Variants in C19orf53 observed in about 807,000 individuals in gnomAD.
C19orf53 encodes the protein chromosome 19 open reading frame 53, also known as leydig cell tumor 10 kDa protein homolog.
Under a neutral mutation model 6.5 loss-of-function variants are expected in C19orf53, and 9 were observed. The observed-to-expected ratio is 1.38, with a 90% CI of 0.83 to 2.40. The LOEUF (loss-of-function observed/expected upper bound fraction) is 2.40, where lower values mean the gene tolerates loss of function less well. C19orf53 is among the 30% of genes most tolerant of loss of function. The probability of loss-of-function intolerance (pLI) is 0.00; values close to 1 mark genes in which losing one functional copy is unlikely to be tolerated. For synonymous variants in C19orf53, 68 were observed against 52.5 expected (o/e 1.29, Z -1.27); for missense variants, 166 against 129.7 (o/e 1.28, Z -1.36).
chr19:13,777,149 A>T (rs4464195), intron 2 of C19orf53, among the ~76,000 whole-genome samples: 1 of 151,604 alleles, frequency 6.6e-6, no homozygotes. Flanking sequence ...ATTGGGTTTC[A>T]CCATGTTGGC....
chr19:13,774,852 G>A (rs757434782), intron 2 of C19orf53, 145 bp downstream of exon 2: 1 of 1,135,468 alleles, frequency 8.8e-7, no homozygotes, highest in East Asian at 2.5e-5. Context: ...CGAGGGGATA[G>A]AGCCAGGGGC....
rs1974395345 is a variant in C19orf53, at chr19:13,778,740, C to G, written c.*542C>G. Among the ~76,000 whole-genome samples, 1 of 152,216 alleles carries G rather than the reference C, an allele frequency of 6.6e-6. No individual in the cohort carries two copies. The highest frequency in any genetic ancestry group is 6.6e-5 in the Admixed American group (1 of 15,258). On this transcript the variant is annotated 3_prime_UTR_variant, in exon 3 of 3. Transcript: ENST00000588234. ...TAGGTCAGATGCCACCTCACAGGAC[C>G]AAGGTGCCGATTAAACCGGAATACA...
chr19:13,778,024 A>G, intron 2 of C19orf53, 28 bp from the exon 3 acceptor site: 3 of 1,589,064 alleles, frequency 1.9e-6, no homozygotes, highest in Non-Finnish European at 2.6e-6. Flanking sequence ...CCAGGTCACA[A>G]TCTGACTGCC....
chr19:13,775,306 G>C (rs1029430191), intron 2 of C19orf53, among the ~76,000 whole-genome samples: 1 of 152,096 alleles, frequency 6.6e-6, no homozygotes, highest in East Asian at 1.9e-4. Context: ...TTTTGAGTCA[G>C]GGTCTCACTG....
chr19:13,776,546 T>C (rs1048740786), intron 2 of C19orf53, among the ~76,000 whole-genome samples: 1 of 152,138 alleles, frequency 6.6e-6, no homozygotes, highest in Non-Finnish European at 1.5e-5. Flanking sequence ...CCCTGTAGAA[T>C]CTGCCCTCGT....
chr19:13,775,121 C>A (rs976550783), intron 2 of C19orf53, among the ~76,000 whole-genome samples: 1 of 152,100 alleles, frequency 6.6e-6, no homozygotes, highest in Non-Finnish European at 1.5e-5. Flanking sequence ...GAAGCAAGAC[C>A]TGCGGCCCAA....
Position 13,774,566 on chromosome 19 carries a change from G to C in C19orf53, c.89G>C (p.Arg30Thr). The C allele has an allele frequency of 6.2e-7, 1 of 1,614,096 alleles. No individual in the cohort carries two copies. The highest frequency in any genetic ancestry group is 8.5e-7 in the Non-Finnish European group (1 of 1,179,924). ...GCCTCTGAAAAGAATCGGGGCCCAA[G>C]AAAAGGCGGTAAGGAGCGGCCCGGG... ...AAASEKNRGP[R>T]KGGRVIAPKK... The change falls in exon 1 of 3, where the codon AGA becomes ACA. Residue 30 changes from arginine (R) to threonine (T), a missense_variant. Transcript: ENST00000588234.
At position 13,774,486 on chromosome 19, in the gene C19orf53, G is replaced by T; in HGVS notation, c.9G>T (p.Gln3His). The T allele has an allele frequency of 1.2e-6, 2 of 1,607,068 alleles. No homozygotes were observed. The highest frequency in any genetic ancestry group is 1.7e-6 in the Non-Finnish European group (2 of 1,177,018). MAQGQRKFQAHKP... is the reference protein window; with the variant it reads MAHGQRKFQAHKP... Reference sequence around the variant, plus strand: ...CCGCTGCGTGCCGGACCATGGCGCAGGGGCAGCGCAAGTTTCAGGCGCACA... The same window carrying T: ...CCGCTGCGTGCCGGACCATGGCGCATGGGCAGCGCAAGTTTCAGGCGCACA... Residue 3 changes from glutamine (Q) to histidine (H), a missense_variant, in exon 1 of 3, where the codon CAG (glutamine) becomes CAT (histidine). By Grantham distance (24) the Gln-to-His change is conservative. Coordinates refer to ENST00000588234, the MANE Select transcript of C19orf53 (RefSeq NM_014047.3).
chr19:13,778,216 C>G lies in C19orf53; in HGVS notation c.*18C>G. ...CTTCCTGAGGACGCTGGCCCCAGTG[C>G]AGGCCAACATCCCACCCCCTACCTC... On this transcript the variant is annotated 3_prime_UTR_variant, in exon 3 of 3. Transcript: ENST00000588234. The G allele has an allele frequency of 6.4e-7, 1 of 1,573,582 alleles. No individual in the cohort carries two copies.
rs758810981 is a variant in C19orf53, at chr19:13,778,224, C to T, written c.*26C>T. The T allele has an allele frequency of 1.3e-6, 2 of 1,555,468 alleles. No homozygotes were observed. The highest frequency in any genetic ancestry group is 2.4e-5 in the South Asian group (2 of 83,234). On this transcript the variant is annotated 3_prime_UTR_variant, in exon 3 of 3. Coordinates refer to ENST00000588234, the MANE Select transcript of C19orf53 (RefSeq NM_014047.3). ...GGACGCTGGCCCCAGTGCAGGCCAA[C>T]ATCCCACCCCCTACCTCCATATGGG...
intron 2 of C19orf53, among the ~76,000 whole-genome samples, chr19:13,776,929 C>T (rs545724104): frequency 2.6e-5 from 4 of 152,314 alleles, no homozygotes; most frequent in South Asian, 2.1e-4. Context: ...TGCTGGTGAT[C>T]GTGGTCATTG....
chr19:13,775,200 G>A (rs1974356109), intron 2 of C19orf53, among the ~76,000 whole-genome samples: 1 of 152,190 alleles, frequency 6.6e-6, no homozygotes, highest in South Asian at 2.1e-4. Flanking sequence ...AAGACAGCGA[G>A]GTGACATGGG....
At chr19:13,776,554 C>T (rs1237042624) in intron 2 of C19orf53, among the ~76,000 whole-genome samples, 3 of 152,138 alleles carry the variant, frequency 2.0e-5, no homozygotes, top group African/African-American at 4.8e-5. Flanking sequence ...AATCTGCCCT[C>T]GTCTCCTTCC....
Position 13,774,519 on chromosome 19 carries a change from A to G in C19orf53, c.42A>G (p.Ala14=), listed in dbSNP as rs776512395. Reference sequence around the variant, plus strand: ...GCAAGTTTCAGGCGCACAAACCCGCAAAGAGTAAGACGGCAGCGGCAGCCT... The same window carrying G: ...GCAAGTTTCAGGCGCACAAACCCGCGAAGAGTAAGACGGCAGCGGCAGCCT... ...GQRKFQAHKP[A]KSKTAAAASE... The change falls in exon 1 of 3, where the codon GCA becomes GCG. Residue 14 remains alanine, a synonymous_variant. Coordinates refer to ENST00000588234, the MANE Select transcript of C19orf53 (RefSeq NM_014047.3). 9.3e-6 allele frequency: 15 copies of G among 1,613,584 alleles called. No homozygotes were observed. The highest frequency in any genetic ancestry group is 6.7e-5 in the East Asian group (3 of 44,894).
chr19:13,778,298 C>T lies in C19orf53; in HGVS notation c.*100C>T. On this transcript the variant is annotated 3_prime_UTR_variant, in exon 3 of 3. Coordinates refer to ENST00000588234, the MANE Select transcript of C19orf53 (RefSeq NM_014047.3). ...TGCACTGTCAGGAAGAGGACCCTGT[C>T]CCCCAGCACTGGGCTTCACCTAGAA... 1 of 1,373,478 alleles carries T rather than the reference C, an allele frequency of 7.3e-7. No individual in the cohort carries two copies. The highest frequency in any genetic ancestry group is 1.7e-5 in the South Asian group (1 of 59,980). 85.1% of individuals were successfully genotyped at this position (1,373,478 alleles called of 1,614,324 possible). A position where few individuals can be genotyped will look rare whatever the true frequency, so the allele number is the denominator to read the frequency against.
intron 2 of C19orf53, among the ~76,000 whole-genome samples, chr19:13,776,696 A>G (rs1000765052): frequency 6.6e-5 from 10 of 152,022 alleles, no homozygotes; most frequent in Admixed American, 1.3e-4. Context: ...TCCTCTCCCA[A>G]TAATACACAC....
At chr19:13,776,063 T>A (rs1974367832) in intron 2 of C19orf53, among the ~76,000 whole-genome samples, 1 of 151,526 alleles carries the variant, frequency 6.6e-6, no homozygotes, top group African/African-American at 2.4e-5. Context: ...GTTCAAGCGA[T>A]TTTCCTCCCT....
At position 13,774,477 on chromosome 19, in the gene C19orf53, C is replaced by T; in HGVS notation, c.-1C>T. The T allele has an allele frequency of 1.9e-6, 3 of 1,602,108 alleles. No homozygotes were observed. Among genetic ancestry groups the T allele is most frequent in the South Asian group, 1.1e-5 (1 of 89,846 alleles). On this transcript the variant is annotated 5_prime_UTR_variant, in exon 1 of 3. Transcript: ENST00000588234. ...CCGCCTCTTCCGCTGCGTGCCGGACCATGGCGCAGGGGCAGCGCAAGTTTC... is the reference window on the plus strand; with the variant it reads ...CCGCCTCTTCCGCTGCGTGCCGGACTATGGCGCAGGGGCAGCGCAAGTTTC...
At chr19:13,776,205 C>G (rs1347237307) in intron 2 of C19orf53, among the ~76,000 whole-genome samples, 1 of 144,108 alleles carries the variant, frequency 6.9e-6, no homozygotes, top group East Asian at 2.1e-4. Flanking sequence ...GTCTCGAACT[C>G]CTGACCTCAT....
Sources: allele counts gnomAD v4.1 joint callset (sites outside exome capture counted in the v4.1 genomes callset), GRCh38; gene constraint gnomAD v4.1.1; transcripts MANE v1.5; gene names NCBI Gene and HGNC (gene_info 2026-07-23, HGNC 2026-07-21).